Variants in NR1H4 observed in about 807,000 individuals in gnomAD.
NR1H4 encodes the protein nuclear receptor subfamily 1 group H member 4.
A neutral mutation model predicts 58.5 loss-of-function variants in NR1H4; 23 were observed. The observed-to-expected ratio is 0.39, with a 90% CI of 0.28 to 0.56. NR1H4 has a LOEUF of 0.56. Among genes scored for constraint, NR1H4 ranks in the 20% least tolerant of loss-of-function variants. The probability of loss-of-function intolerance (pLI) is 0.58; values close to 1 mark genes in which losing one functional copy is unlikely to be tolerated. For missense variants in NR1H4, 487 were observed against 576.9 expected (o/e 0.84, Z 1.60); for synonymous variants, 214 against 198.0 (o/e 1.08, Z -0.68).
intron 9 of NR1H4, among the ~76,000 whole-genome samples, chr12:100,543,060 A>C (rs570949151): frequency 1.3e-5 from 2 of 152,132 alleles, no homozygotes; most frequent in Non-Finnish European, 2.9e-5. Flanking sequence ...AGAGCTCCGA[A>C]AAAGTTTTAT....
chr12:100,488,538 A>G (rs1222776798), intron 1 of NR1H4, among the ~76,000 whole-genome samples: 1 of 152,244 alleles, frequency 6.6e-6, no homozygotes, highest in Non-Finnish European at 1.5e-5. Context: ...AAATTTATAT[A>G]CATATTTTAG....
At chr12:100,476,159 C>T (rs928584623) in intron 1 of NR1H4, among the ~76,000 whole-genome samples, 1 of 152,138 alleles carries the variant, frequency 6.6e-6, no homozygotes. Flanking sequence ...CTTTCTGACT[C>T]CAAAGCCTCT....
chr12:100,531,780 C>T (rs1954699426), intron 4 of NR1H4, among the ~76,000 whole-genome samples: 1 of 151,800 alleles, frequency 6.6e-6, no homozygotes, highest in South Asian at 2.1e-4. Context: ...TACCTGTTAA[C>T]AGGCTGCAGC....
chr12:100,507,378 G>A (rs559586733), intron 3 of NR1H4, among the ~76,000 whole-genome samples: 16 of 151,800 alleles, frequency 1.1e-4, no homozygotes, highest in African/African-American at 2.2e-4. Flanking sequence ...TCCATTTTGC[G>A]GTCATAAGAC....
chr12:100,475,124 C>CCTATCTATCTATCTATCTAT (rs10629376), intron 1 of NR1H4, among the ~76,000 whole-genome samples: 10 of 143,208 alleles, frequency 7.0e-5, no homozygotes, highest in East Asian at 2.2e-4. Context: ...AAGTGGTTTA[C>CCTATCTATCTATCTATCTAT]CTATCTATCT....
At chr12:100,474,752 G>C (rs1445811083) in intron 1 of NR1H4, among the ~76,000 whole-genome samples, 1 of 152,192 alleles carries the variant, frequency 6.6e-6, no homozygotes, top group East Asian at 1.9e-4. Flanking sequence ...CAACTGTGGA[G>C]CCTGACTTAC....
At chr12:100,479,726 A>C (rs1436770799) in intron 1 of NR1H4, among the ~76,000 whole-genome samples, 1 of 152,240 alleles carries the variant, frequency 6.6e-6, no homozygotes, top group Non-Finnish European at 1.5e-5. Context: ...CAGGCCATAC[A>C]AGAGCTGCCT....
At position 100,563,778 on chromosome 12, in the gene NR1H4, T is replaced by C. The variant is rs1955525979; in HGVS notation, c.*289T>C. 3 of 385,006 alleles carry C rather than the reference T, an allele frequency of 7.8e-6. No individual in the cohort carries two copies. Among genetic ancestry groups the C allele is most frequent in the South Asian group, 8.7e-5 (2 of 23,008 alleles). The allele number at this position is 385,006 out of a possible 1,614,324, so 23.8% of individuals were successfully genotyped here. ...ATTCTATCTGTTGAACTAGGGAAAA[T>C]CTCATTTTGCTCATCTTACCATATT... On this transcript the variant is annotated 3_prime_UTR_variant, in exon 11 of 11. Transcript: ENST00000392986.
intron 9 of NR1H4, among the ~76,000 whole-genome samples, chr12:100,550,114 C>T (rs906395119): frequency 2.0e-5 from 3 of 152,092 alleles, no homozygotes; most frequent in African/African-American, 7.2e-5. Context: ...AGATAACTGT[C>T]TCTGAGATGC....
intron 1 of NR1H4, among the ~76,000 whole-genome samples, chr12:100,491,778 C>T (rs560743629): frequency 6.6e-6 from 1 of 152,072 alleles, no homozygotes; most frequent in South Asian, 2.1e-4. Context: ...TCAGAAGACT[C>T]TCCCTCATTC....
intron 9 of NR1H4, among the ~76,000 whole-genome samples, chr12:100,559,820 C>T (rs1283735170): frequency 6.6e-6 from 1 of 152,250 alleles, no homozygotes; most frequent in Non-Finnish European, 1.5e-5. Flanking sequence ...GTGCCGGATC[C>T]ACTAGGTGAA....
In NR1H4 at chr12:100,532,487, G is replaced by A. The variant is rs200231287; in HGVS notation, c.475G>A (p.Ala159Thr). The A allele has an allele frequency of 1.9e-4, 305 of 1,614,002 alleles. No homozygotes were observed. The highest frequency in any genetic ancestry group is 1.3e-5 in the African/African-American group (1 of 74,916). The stretch of plus-strand genomic sequence containing the variant: ...CTTCAGGAGAAGCATTACCAAAAAC[G>A]CTGTGTACAAGTGTAAAAACGGGGG... ...GFFRRSITKN[A>T]VYKCKNGGNC... The change falls in exon 5 of 11, where the codon GCT (alanine) becomes ACT (threonine). Residue 159 changes from alanine (A) to threonine (T), a missense_variant. Transcript: ENST00000392986.
chr12:100,486,362 A>G (rs985139799), intron 1 of NR1H4, among the ~76,000 whole-genome samples: 4 of 152,246 alleles, frequency 2.6e-5, no homozygotes, highest in Admixed American at 6.5e-5. Flanking sequence ...AAGACAAAAC[A>G]GATGAAATCA....
intron 9 of NR1H4, among the ~76,000 whole-genome samples, chr12:100,559,632 G>T (rs945773468): frequency 6.6e-6 from 1 of 152,230 alleles, no homozygotes; most frequent in Non-Finnish European, 1.5e-5. Context: ...GCAGGGCTCG[G>T]GACCTGCAGC....
intron 9 of NR1H4, among the ~76,000 whole-genome samples, chr12:100,548,552 G>T (rs889825032): frequency 6.6e-6 from 1 of 152,042 alleles, no homozygotes; most frequent in Non-Finnish European, 1.5e-5. Context: ...GAGACACTTA[G>T]CTTCGAATCT....
intron 9 of NR1H4, among the ~76,000 whole-genome samples, chr12:100,545,654 A>AAAAAAAAAAAAAC (rs1955046743): frequency 6.8e-6 from 1 of 146,534 alleles, no homozygotes; most frequent in African/African-American, 2.6e-5. Context: ...AAAAAAAAAA[A>AAAAAAAAAAAAAC]AAAAAAAAAA....
intron 1 of NR1H4, among the ~76,000 whole-genome samples, chr12:100,487,477 C>G (rs1953515835): frequency 6.6e-6 from 1 of 151,968 alleles, no homozygotes; most frequent in East Asian, 1.9e-4. Context: ...TGCATCCACC[C>G]TATCCCTCTT....
rs1357911439 is a variant in NR1H4, at chr12:100,540,799, A to G, written c.1059A>G (p.Glu353=). The change falls in exon 9 of 11, where the codon GAA becomes GAG. Residue 353 remains glutamate (E), a synonymous_variant. Transcript: ENST00000392986. ...KLPSGHSDLL[E]ERIRNSGISD... ...CGTCTGGGCATTCTGACCTATTGGA[A>G]GAAAGAATTCGAAATAGTGGTAAGT... The G allele has an allele frequency of 6.2e-7, 1 of 1,614,184 alleles. No homozygotes were observed. The highest frequency in any genetic ancestry group is 1.7e-5 in the Admixed American group (1 of 60,026).
intron 3 of NR1H4, 42 bp from the exon 4 acceptor site, chr12:100,510,735 GA>G: frequency 1.2e-6 from 2 of 1,612,342 alleles, no homozygotes; most frequent in Non-Finnish European, 1.7e-6. Flanking sequence ...CTAATTTCCA[GA>G]ATGATGACAT....
Sources: allele counts gnomAD v4.1 joint callset (sites outside exome capture counted in the v4.1 genomes callset), GRCh38; gene constraint gnomAD v4.1.1; transcripts MANE v1.5; gene names NCBI Gene and HGNC (gene_info 2026-07-23, HGNC 2026-07-21).